Variants in RPH3A observed in about 807,000 individuals in gnomAD.
RPH3A encodes the protein rabphilin 3A.
In RPH3A, 48 loss-of-function variants were observed where a neutral mutation model predicts 102.2. The ratio of observed to expected loss-of-function variants is 0.47; its 90% CI spans 0.37 to 0.60. RPH3A has a LOEUF of 0.60. Ranked by LOEUF, RPH3A falls within the 20% of genes least tolerant of loss-of-function variation. RPH3A has a pLI of 0.00. For missense variants in RPH3A, 781 were observed against 910.1 expected (o/e 0.86, Z 1.83); for synonymous variants, 310 against 324.3 (o/e 0.96, Z 0.47).
At chr12:112,891,037 T>C in intron 19 of RPH3A, 34 bp downstream of exon 19, 1 of 1,611,892 alleles carries the variant, frequency 6.2e-7, no homozygotes, top group Non-Finnish European at 8.5e-7. Context: ...AGGTGGGCCC[T>C]GAAGGAGTCC....
At chr12:112,756,560 C>T (rs1478136638) in intron 1 of RPH3A, among the ~76,000 whole-genome samples, 3 of 152,128 alleles carry the variant, frequency 2.0e-5, no homozygotes, top group East Asian at 3.8e-4. Context: ...ACACTCTACA[C>T]CATAAATATG....
intron 10 of RPH3A, among the ~76,000 whole-genome samples, chr12:112,871,737 T>C (rs182576537): frequency 4.0e-5 from 6 of 149,720 alleles, no homozygotes; most frequent in South Asian, 4.2e-4. Flanking sequence ...ATAGTGTACA[T>C]ATATATACAA....
intron 1 of RPH3A, among the ~76,000 whole-genome samples, chr12:112,692,176 G>A (rs2040311260): frequency 6.6e-6 from 1 of 152,120 alleles, no homozygotes; most frequent in Admixed American, 6.5e-5. Context: ...GGGAAGCGTA[G>A]GGGAAAGATG....
At chr12:112,639,670 C>G (rs532753184) in intron 1 of RPH3A, among the ~76,000 whole-genome samples, 1 of 152,230 alleles carries the variant, frequency 6.6e-6, no homozygotes, top group South Asian at 2.1e-4. Context: ...CCCCCTCCCC[C>G]CACAAAGATG....
intron 16 of RPH3A, 59 bp downstream of exon 16, chr12:112,883,461 C>A: frequency 7.8e-7 from 1 of 1,284,878 alleles, no homozygotes; most frequent in Non-Finnish European, 1.1e-6. Flanking sequence ...GTGGGTGGAA[C>A]TGAGACTTGG....
intron 1 of RPH3A, among the ~76,000 whole-genome samples, chr12:112,684,940 G>A (rs946744115): frequency 6.6e-6 from 1 of 152,112 alleles, no homozygotes; most frequent in Non-Finnish European, 1.5e-5. Flanking sequence ...TGGTGGAAGG[G>A]ACAAACAGGC....
At position 112,824,158 on chromosome 12, in the gene RPH3A, G is replaced by A. The variant is rs375963555; in HGVS notation, c.-18-4143G>A. Among the ~76,000 whole-genome samples the A allele has an allele frequency of 2.0e-5, 3 of 152,332 alleles. No homozygotes were observed. The South Asian group carries it at 6.2e-4, about 32-fold the overall frequency. On this transcript the variant is annotated intron_variant, in intron 2 of 21. Coordinates refer to ENST00000389385, the MANE Select transcript of RPH3A (RefSeq NM_001143854.2). The stretch of plus-strand genomic sequence containing the variant: ...GGGCAGCAGAGGAAGCTAGGCGAGG[G>A]CGTGGCTTCACCTGAAGTCTGGCCT...
intron 14 of RPH3A, among the ~76,000 whole-genome samples, chr12:112,879,424 G>A (rs572584831): frequency 6.6e-6 from 1 of 152,324 alleles, no homozygotes; most frequent in Non-Finnish European, 1.5e-5. Flanking sequence ...CACCTCCTGG[G>A]AGTACATGCA....
intron 2 of RPH3A, among the ~76,000 whole-genome samples, chr12:112,803,467 A>T (rs2041395519): frequency 6.6e-6 from 1 of 151,900 alleles, no homozygotes; most frequent in African/African-American, 2.4e-5. Flanking sequence ...TTCAAACCTC[A>T]TGAAGCCTTG....
chr12:112,618,199 G>A lies in RPH3A; in HGVS notation c.-140+42880G>A, dbSNP rs2039695962. On this transcript the variant is annotated intron_variant, in intron 1 of 21. Coordinates refer to the RPH3A transcript ENST00000543106. ...TATAGAAGCCTTCTTAGAGGAGGCAGAGGAAGAGATTATACTGTGAGGCAC... is the reference window on the plus strand; with the variant it reads ...TATAGAAGCCTTCTTAGAGGAGGCAAAGGAAGAGATTATACTGTGAGGCAC... Among the ~76,000 whole-genome samples the A allele has an allele frequency of 3.3e-5, 5 of 152,328 alleles. 1 individual carries two copies. The South Asian group carries it at 1.0e-3, about 32-fold the overall frequency.
Position 112,876,877 on chromosome 12 carries a change from C to A in RPH3A, c.1171+11C>A. On this transcript the variant is annotated intron_variant, in intron 13 of 21. Transcript: ENST00000389385. The stretch of plus-strand genomic sequence containing the variant: ...ATTCGGATGAAGCAAGTAGGTGGTG[C>A]CTAAGGGAGAGGTATCTTGGAAAAA... 1 of 1,567,228 alleles carries A rather than the reference C, an allele frequency of 6.4e-7. No homozygotes were observed. The highest frequency in any genetic ancestry group is 8.7e-7 in the Non-Finnish European group (1 of 1,153,562).
chr12:112,865,144 G>A (rs946960026), intron 5 of RPH3A, among the ~76,000 whole-genome samples: 1 of 152,200 alleles, frequency 6.6e-6, no homozygotes, highest in Non-Finnish European at 1.5e-5. Context: ...GGAGGTGACA[G>A]AAGATAGAAA....
chr12:112,583,307 G>A (rs2039413575), intron 1 of RPH3A, among the ~76,000 whole-genome samples: 1 of 152,142 alleles, frequency 6.6e-6, no homozygotes, highest in African/African-American at 2.4e-5. Flanking sequence ...CCCCTCTGAA[G>A]TCACTATTTT....
chr12:112,784,501 T>C (rs551555070), intron 1 of RPH3A, among the ~76,000 whole-genome samples: 36 of 152,308 alleles, frequency 2.4e-4, no homozygotes, highest in African/African-American at 7.9e-4. Flanking sequence ...TAACTAAACA[T>C]GCAATTTGGG....
chr12:112,888,985 A>AC (rs3837518), intron 17 of RPH3A, among the ~76,000 whole-genome samples: 45,103 of 152,084 alleles, frequency 0.3, 8,174 homozygotes, highest in East Asian at 0.53. Context: ...CAACACCAGC[A>AC]CCCCTGGTCT....
At chr12:112,736,047 C>T (rs2040667450) in intron 1 of RPH3A, among the ~76,000 whole-genome samples, 1 of 152,208 alleles carries the variant, frequency 6.6e-6, no homozygotes, top group African/African-American at 2.4e-5. Context: ...TCCCCCTCTT[C>T]TAAACCCCTA....
chr12:112,678,423 G>A (rs920737236), intron 1 of RPH3A, among the ~76,000 whole-genome samples: 1 of 151,726 alleles, frequency 6.6e-6, no homozygotes, highest in African/African-American at 2.4e-5. Flanking sequence ...GAGGACAAGA[G>A]GAAAGGATAT....
chr12:112,768,445 C>G (rs2040906046), intron 1 of RPH3A, among the ~76,000 whole-genome samples: 1 of 152,228 alleles, frequency 6.6e-6, no homozygotes, highest in Non-Finnish European at 1.5e-5. Flanking sequence ...ATGTTGGCCT[C>G]TTGCTGCTCC....
At chr12:112,642,067 C>T (rs2039894712) in intron 1 of RPH3A, among the ~76,000 whole-genome samples, 1 of 152,142 alleles carries the variant, frequency 6.6e-6, no homozygotes, top group Non-Finnish European at 1.5e-5. Context: ...ATTCCTGCAG[C>T]TTGCTAAATG....
Sources: gnomAD v4.1 joint callset for allele counts (sites outside exome capture counted in the v4.1 genomes callset) on GRCh38, gnomAD v4.1.1 for gene constraint, MANE v1.5 for transcripts, NCBI Gene and HGNC (gene_info 2026-07-23, HGNC 2026-07-21) for gene names.